Variants in BCAS3 observed in about 807,000 individuals in gnomAD.
BCAS3 encodes BCAS4/BCAS3 fusion.
BCAS3 carries 53 observed loss-of-function variants against 116.1 expected under a neutral mutation model. The observed-to-expected ratio is 0.46, with a 90% CI of 0.37 to 0.57. The LOEUF (loss-of-function observed/expected upper bound fraction) is 0.57, where lower values mean the gene tolerates loss of function less well. BCAS3 is among the 20% of genes least tolerant of loss of function. BCAS3 has a pLI of 0.00. For missense variants in BCAS3, 917 were observed against 1,165.4 expected (o/e 0.79, Z 3.10); for synonymous variants, 391 against 408.2 (o/e 0.96, Z 0.51).
intron 13 of BCAS3, among the ~76,000 whole-genome samples, chr17:60,942,502 G>A (rs2145228411): frequency 6.6e-6 from 1 of 152,208 alleles, no homozygotes; most frequent in African/African-American, 2.4e-5. Flanking sequence ...TATAAACTAT[G>A]TCAATAACCT....
At chr17:60,810,889 T>G in intron 7 of BCAS3, 1 of 700,418 alleles carries the variant, frequency 1.4e-6, no homozygotes, top group East Asian at 2.8e-5. Flanking sequence ...TGCCCCCAAA[T>G]CTCAGGATCT....
At chr17:60,869,125 A>G (rs2054883773) in intron 8 of BCAS3, among the ~76,000 whole-genome samples, 2 of 152,172 alleles carry the variant, frequency 1.3e-5, no homozygotes, top group African/African-American at 4.8e-5. Context: ...AAATATTTTT[A>G]TTCCTTCACA....
chr17:61,316,392 G>C lies in BCAS3; in HGVS notation c.2426-51935G>C, dbSNP rs1253952903. On this transcript the variant is annotated intron_variant, in intron 22 of 23. Transcript: ENST00000407086. This position sits in a 1 kb window ranked among gnomAD's most constrained non-coding sequence, Gnocchi z 5.8. ...GACGTCTTTTTTAAGGAAAGCCTAA[G>C]ATGTCATTCTTAGAGCAGCAGAAGA... is the stretch of plus-strand genomic sequence containing the variant. 6.6e-6 allele frequency among the ~76,000 whole-genome samples: 1 copy of C among 152,156 alleles called. No homozygotes were observed. The highest frequency in any genetic ancestry group is 1.5e-5 in the Non-Finnish European group (1 of 68,024).
chr17:60,850,354 T>TTTG (rs2052994895), intron 7 of BCAS3, among the ~76,000 whole-genome samples: 1 of 137,282 alleles, frequency 7.3e-6, no homozygotes, highest in Admixed American at 7.1e-5. Flanking sequence ...TGTTTTTTTT[T>TTTG]TTTTTTTTTT....
At position 61,344,913 on chromosome 17, in the gene BCAS3, A is replaced by T. The variant is rs369072343; in HGVS notation, c.2426-23414A>T. ...AGGTATTTTATGATTCCTGGATCGGAAATACACACACACACACACATACAC... is the reference window on the plus strand; with the variant it reads ...AGGTATTTTATGATTCCTGGATCGGTAATACACACACACACACACATACAC... On this transcript the variant is annotated intron_variant, in intron 22 of 23. Transcript: ENST00000407086. This position sits in a 1 kb window ranked among gnomAD's most constrained non-coding sequence, Gnocchi z 4.1. 1.9e-4 allele frequency among the ~76,000 whole-genome samples: 28 copies of T among 150,136 alleles called. No individual in the cohort carries two copies. In the East Asian group the frequency reaches 4.3e-3, roughly 23 times the overall value.
rs966232787 is a variant in BCAS3 at position 61,203,764 on chromosome 17, CTCAA to C, written c.2425+119204_2425+119207del. ...TCAGCCTTGTCCCCGAGACCAAAAG[CTCAA>C]TCAGTGTCACTCTGCAGAGAATGTT... On this transcript the variant is annotated intron_variant, in intron 22 of 23. Transcript: ENST00000407086. The surrounding 1 kb of genome is among the most constrained non-coding windows in gnomAD (Gnocchi z 5.7). Among the ~76,000 whole-genome samples the C allele has an allele frequency of 2.3e-4, 35 of 152,134 alleles. No individual in the cohort carries two copies. Among genetic ancestry groups the C allele is most frequent in the African/African-American group, 8.2e-4 (34 of 41,430 alleles).
intron 22 of BCAS3, among the ~76,000 whole-genome samples, chr17:61,111,249 A>G (rs4325632): frequency 0.96 from 145,233 of 151,766 alleles, 69,812 homozygotes; most frequent in South Asian, 1. Context: ...TGACTTTGAC[A>G]AGCTGAGAGA....
At chr17:60,896,953 G>A (rs2057554072) in intron 10 of BCAS3, among the ~76,000 whole-genome samples, 1 of 151,960 alleles carries the variant, frequency 6.6e-6, no homozygotes, top group Admixed American at 6.6e-5. Context: ...TTTCTGCAGT[G>A]GTACTCTTTG....
At chr17:60,758,007 T>C (rs1035202720) in intron 6 of BCAS3, among the ~76,000 whole-genome samples, 1 of 152,206 alleles carries the variant, frequency 6.6e-6, no homozygotes, top group African/African-American at 2.4e-5. Context: ...CACCATTTAT[T>C]GAAGGTCTTT....
intron 23 of BCAS3, among the ~76,000 whole-genome samples, chr17:61,370,013 G>A (rs185062201): frequency 1.3e-3 from 199 of 152,274 alleles, no homozygotes; most frequent in Middle Eastern, 3.4e-3. Context: ...CGCCTTCTCA[G>A]GAGCCCCTTG....
intron 23 of BCAS3, among the ~76,000 whole-genome samples, chr17:61,386,105 A>G (rs2059833172): frequency 6.6e-6 from 1 of 152,220 alleles, no homozygotes; most frequent in South Asian, 2.1e-4. Flanking sequence ...TGCACTCTAC[A>G]TGCATTATTT....
chr17:61,044,714 A>G (rs2067884532), intron 19 of BCAS3, among the ~76,000 whole-genome samples: 1 of 151,778 alleles, frequency 6.6e-6, no homozygotes, highest in African/African-American at 2.4e-5. Flanking sequence ...AAATGTAGAT[A>G]TCAATTATTA....
intron 23 of BCAS3, among the ~76,000 whole-genome samples, chr17:61,386,380 C>T (rs1022959715): frequency 6.6e-6 from 1 of 152,232 alleles, no homozygotes; most frequent in Non-Finnish European, 1.5e-5. Context: ...GCAGGCAGAG[C>T]TGTGGGTGCA....
At position 61,388,368 on chromosome 17, in the gene BCAS3, C is replaced by T. The variant is rs2059959106; in HGVS notation, c.2594-3609C>T. 2.2e-6 allele frequency: 1 copy of T among 457,624 alleles called. No individual in the cohort carries two copies. 28.3% of individuals were successfully genotyped at this position (457,624 alleles called of 1,614,324 possible). A position where few individuals can be genotyped will look rare whatever the true frequency, so the allele number is the denominator to read the frequency against. ...TGTTGAACCTGTGACTCCTCTCCCC[C>T]TCCCCCACTCTGAACGGGGTCTTGG... On this transcript the variant is annotated intron_variant, in intron 23 of 23. Coordinates refer to ENST00000407086, the MANE Select transcript of BCAS3 (RefSeq NM_017679.5). This position sits in a 1 kb window ranked among gnomAD's most constrained non-coding sequence, Gnocchi z 6.5.
At chr17:60,810,474 C>T (rs151051961) in intron 7 of BCAS3, 64 of 674,440 alleles carry the variant, frequency 9.5e-5, no homozygotes, top group South Asian at 5.9e-4. Context: ...GCGTGGAGAC[C>T]GGAAACCAGA....
chr17:61,046,706 G>A (rs917505277), intron 19 of BCAS3, among the ~76,000 whole-genome samples: 1 of 151,604 alleles, frequency 6.6e-6, no homozygotes, highest in Non-Finnish European at 1.5e-5. Flanking sequence ...CCATAGATGC[G>A]GAACCAGGGA....
Position 61,392,389 on chromosome 17 carries a change from A to C in BCAS3, c.*264A>C. ...GCTCGGTCCCTGTGTATGTTTGCATATGACATCCTGCATTGGATCCGCTTT... is the reference window on the plus strand; with the variant it reads ...GCTCGGTCCCTGTGTATGTTTGCATCTGACATCCTGCATTGGATCCGCTTT... On this transcript the variant is annotated 3_prime_UTR_variant, in exon 24 of 24. Transcript: ENST00000407086. The surrounding 1 kb of genome is among the most constrained non-coding windows in gnomAD (Gnocchi z 6.4). 1 of 312,250 alleles carries C rather than the reference A, an allele frequency of 3.2e-6. No homozygotes were observed. Among genetic ancestry groups the C allele is most frequent in the Non-Finnish European group, 5.8e-6 (1 of 171,990 alleles). The allele number at this position is 312,250 out of a possible 1,614,324, so 19.3% of individuals were successfully genotyped here. A position where few individuals can be genotyped will look rare whatever the true frequency, so the allele number is the denominator to read the frequency against.
At chr17:60,954,863 T>C (rs1213866177) in intron 14 of BCAS3, among the ~76,000 whole-genome samples, 2 of 152,220 alleles carry the variant, frequency 1.3e-5, no homozygotes, top group Admixed American at 1.3e-4. Flanking sequence ...CCTACTGAGT[T>C]TAATGAAATT....
In BCAS3 at chr17:61,315,462, C is replaced by T. The variant is rs1568832575; in HGVS notation, c.2426-52865C>T. Reference sequence around the variant, plus strand: ...GACACGGGAGGGCATGCAGAGCAGTCTCGGAGCGGACGCTAGCTGGCAGCG... The same window carrying T: ...GACACGGGAGGGCATGCAGAGCAGTTTCGGAGCGGACGCTAGCTGGCAGCG... On this transcript the variant is annotated intron_variant, in intron 22 of 23. Coordinates refer to ENST00000407086, the MANE Select transcript of BCAS3 (RefSeq NM_017679.5). The surrounding 1 kb of genome is among the most constrained non-coding windows in gnomAD (Gnocchi z 5.3). Among the ~76,000 whole-genome samples, 1 of 152,226 alleles carries T rather than the reference C, an allele frequency of 6.6e-6. No individual in the cohort carries two copies. The highest frequency in any genetic ancestry group is 1.5e-5 in the Non-Finnish European group (1 of 68,040).
Sources: allele counts gnomAD v4.1 joint callset (sites outside exome capture counted in the v4.1 genomes callset), GRCh38; gene constraint gnomAD v4.1.1; non-coding constraint Gnocchi (gnomAD v3.1); transcripts MANE v1.5; gene names NCBI Gene and HGNC (gene_info 2026-07-23, HGNC 2026-07-21).